Variants in MAPK14 observed in about 807,000 individuals in gnomAD.
MAPK14 encodes CSAID-binding protein.
In MAPK14, 16 loss-of-function variants were observed where a neutral mutation model predicts 49.6. That is an observed-to-expected ratio of 0.32 (90% CI 0.22 to 0.49). MAPK14 has a LOEUF of 0.49. Ranked by LOEUF, MAPK14 falls within the 20% of genes least tolerant of loss-of-function variation. The pLI is 0.99. For missense variants in MAPK14, 200 were observed against 441.2 expected (o/e 0.45, Z 4.90); for synonymous variants, 142 against 158.0 (o/e 0.90, Z 0.76).
chr6:36,031,317 A>C (rs1762535063), intron 1 of MAPK14, among the ~76,000 whole-genome samples: 1 of 151,786 alleles, frequency 6.6e-6, no homozygotes, highest in East Asian at 2.0e-4. Flanking sequence ...CCCAGCCTGA[A>C]GTTGTTCTTT....
intron 3 of MAPK14, among the ~76,000 whole-genome samples, chr6:36,066,746 G>A (rs540768231): frequency 3.7e-4 from 57 of 152,056 alleles, no homozygotes; most frequent in Middle Eastern, 6.8e-3. Context: ...TTCTGGGTGT[G>A]TGTGTGTGTG....
At chr6:36,064,064 TTGTGTG>T (rs112138637) in intron 3 of MAPK14, among the ~76,000 whole-genome samples, 2,025 of 149,612 alleles carry the variant, frequency 0.014, 45 homozygotes, top group African/African-American at 0.041. Flanking sequence ...TGCCTTTTCT[TTGTGTG>T]TGTGTGTGTG....
At chr6:36,089,858 G>A (rs561584106) in intron 8 of MAPK14, among the ~76,000 whole-genome samples, 8 of 152,306 alleles carry the variant, frequency 5.3e-5, no homozygotes, top group South Asian at 2.1e-4. Context: ...TGTTACCAAC[G>A]CTTAACACTC....
intron 4 of MAPK14, 74 bp downstream of exon 4, chr6:36,073,058 C>T: frequency 1.1e-6 from 1 of 919,688 alleles, no homozygotes; most frequent in Non-Finnish European, 1.8e-6. Flanking sequence ...CTTAAACAAA[C>T]AAGTAAACAA....
At chr6:36,065,507 G>GGGGT (rs1435565312) in intron 3 of MAPK14, among the ~76,000 whole-genome samples, 1 of 122,454 alleles carries the variant, frequency 8.2e-6, no homozygotes, top group African/African-American at 3.1e-5. Flanking sequence ...GGGCAGAAAA[G>GGGGT]GTGTGTGTGT....
At chr6:36,029,563 C>A (rs1762456584) in intron 1 of MAPK14, among the ~76,000 whole-genome samples, 1 of 152,050 alleles carries the variant, frequency 6.6e-6, no homozygotes, top group Non-Finnish European at 1.5e-5. Context: ...CCTGTAAAAT[C>A]GTTTTTTTGT....
intron 3 of MAPK14, among the ~76,000 whole-genome samples, chr6:36,060,374 A>G (rs1267593305): frequency 6.6e-6 from 1 of 152,144 alleles, no homozygotes; most frequent in Non-Finnish European, 1.5e-5. Flanking sequence ...CTTTTCTAGT[A>G]TCTGAGTTGA....
At chr6:36,090,684 G>A (rs1285037270) in intron 8 of MAPK14, among the ~76,000 whole-genome samples, 2 of 152,012 alleles carry the variant, frequency 1.3e-5, no homozygotes, top group African/African-American at 4.8e-5. Flanking sequence ...ACGTCATCAC[G>A]CCCGGCTAAT....
At chr6:36,070,278 A>G (rs573276091) in intron 3 of MAPK14, among the ~76,000 whole-genome samples, 66 of 152,338 alleles carry the variant, frequency 4.3e-4, no homozygotes, top group African/African-American at 1.5e-3. Context: ...TTGGAAGAAT[A>G]TGTGCTGTGA....
At chr6:36,106,200 C>A (rs764574264) in intron 10 of MAPK14, among the ~76,000 whole-genome samples, 4 of 152,118 alleles carry the variant, frequency 2.6e-5, no homozygotes, top group Non-Finnish European at 5.9e-5. Context: ...CTGATTCTTA[C>A]CAAAATTTTT....
chr6:36,117,954 A>G, the MAPK14 span, among the ~76,000 whole-genome samples: 24 of 152,374 alleles, frequency 1.6e-4, 1 homozygote, highest in South Asian at 4.6e-3. Flanking sequence ...TTTAGAAGCA[A>G]AGATCATTTA....
chr6:36,053,075 T>C (rs13193775), intron 2 of MAPK14, among the ~76,000 whole-genome samples: 2 of 151,744 alleles, frequency 1.3e-5, no homozygotes, highest in Non-Finnish European at 2.9e-5. Flanking sequence ...AATTTTAAAA[T>C]TAAAGGATAT....
chr6:36,078,849 C>G (rs1370725213), intron 8 of MAPK14, among the ~76,000 whole-genome samples: 1 of 152,138 alleles, frequency 6.6e-6, no homozygotes, highest in African/African-American at 2.4e-5. Flanking sequence ...AAAATGTTTC[C>G]CATTATCTTT....
intron 3 of MAPK14, among the ~76,000 whole-genome samples, chr6:36,059,778 G>A (rs1195202981): frequency 1.3e-5 from 2 of 152,256 alleles, no homozygotes; most frequent in East Asian, 3.9e-4. Context: ...TCAGCCTCCT[G>A]AGGAGCTGGA....
intron 1 of MAPK14, among the ~76,000 whole-genome samples, chr6:36,034,679 G>A (rs1262164658): frequency 6.6e-6 from 1 of 152,116 alleles, no homozygotes; most frequent in Non-Finnish European, 1.5e-5. Context: ...GAAACTTTCA[G>A]TATTCAGAGT....
intron 1 of MAPK14, among the ~76,000 whole-genome samples, chr6:36,050,911 T>G (rs1332440434): frequency 2.0e-5 from 3 of 151,960 alleles, no homozygotes; most frequent in Non-Finnish European, 4.4e-5. Context: ...TATCACAAAT[T>G]GGGATTTGAA....
At chr6:36,111,685 G>T (rs1164963187), downstream of MAPK14, among the ~76,000 whole-genome samples, 3 of 152,014 alleles carry the variant, frequency 2.0e-5, no homozygotes, top group African/African-American at 7.2e-5. Flanking sequence ...TTCCTTTCTT[G>T]GTGTCCTTGG....
At chr6:36,098,680 G>C (rs1293280384) in intron 9 of MAPK14, among the ~76,000 whole-genome samples, 1 of 152,180 alleles carries the variant, frequency 6.6e-6, no homozygotes, top group Non-Finnish European at 1.5e-5. Flanking sequence ...GACAAAGACA[G>C]AAAATGTGCA....
At chr6:36,060,510 T>C (rs997160147) in intron 3 of MAPK14, among the ~76,000 whole-genome samples, 3 of 152,210 alleles carry the variant, frequency 2.0e-5, no homozygotes, top group Non-Finnish European at 2.9e-5. Context: ...GTTACTATTA[T>C]GAAAGCCAAA....
Sources: gnomAD v4.1 joint callset for allele counts (sites outside exome capture counted in the v4.1 genomes callset) on GRCh38, gnomAD v4.1.1 for gene constraint, MANE v1.5 for transcripts, NCBI Gene and HGNC (gene_info 2026-07-23, HGNC 2026-07-21) for gene names.